CDHR1: variants seen among roughly 807,000 people sequenced by gnomAD.
CDHR1 encodes cadherin-related family member 1.
Under a neutral mutation model 72.1 loss-of-function variants are expected in CDHR1, and 61 were observed. The observed-to-expected ratio is 0.85, with a 90% CI of 0.69 to 1.05. The LOEUF (loss-of-function observed/expected upper bound fraction) is 1.05, where lower values mean the gene tolerates loss of function less well. CDHR1 is among the 50% of genes least tolerant of loss of function. The pLI is 0.00. For missense variants in CDHR1, 1,186 were observed against 1,115.7 expected (o/e 1.06, Z -0.90); for synonymous variants, 470 against 448.1 (o/e 1.05, Z -0.62).
downstream of CDHR1, chr10:84,219,416 G>A: frequency 7.4e-7 from 1 of 1,351,040 alleles, no homozygotes; most frequent in South Asian, 1.7e-5. Flanking sequence ...CTCTTCCACA[G>A]CCCTTCTCTC....
chr10:84,201,413 T>G (rs1842122726), intron 6 of CDHR1, among the ~76,000 whole-genome samples: 1 of 152,104 alleles, frequency 6.6e-6, no homozygotes, highest in Non-Finnish European at 1.5e-5. Flanking sequence ...GTGTAGGGTT[T>G]GAAGGTCCCA....
intron 1 of CDHR1, 78 bp downstream of exon 1, chr10:84,194,893 G>T (rs1269688091): frequency 7.3e-7 from 1 of 1,370,740 alleles, no homozygotes; most frequent in East Asian, 2.5e-5. Flanking sequence ...TGGCCAGAGG[G>T]ACATGGTCCT....
rs189528704 is a variant in CDHR1 at position 84,216,192 on chromosome 10, C to T, written c.*1571C>T. ...ATTTGGCTCTACTTACTAACAACCC[C>T]TCTAGAATACATTGGTGATTTCATT... On this transcript the variant is annotated 3_prime_UTR_variant, in exon 17 of 17. Coordinates refer to ENST00000623527, the MANE Select transcript of CDHR1 (RefSeq NM_033100.4). 6.9e-4 allele frequency: 679 copies of T among 985,432 alleles called. 6 individuals are homozygous for T. The African/African-American group carries it at 0.011, about 16-fold the overall frequency. The allele number at this position is 985,432 out of a possible 1,614,324, so 61.0% of individuals were successfully genotyped here.
Position 84,214,807 on chromosome 10 carries a change from C to T in CDHR1, c.*186C>T. ...AACAAGAAGTTGCGCTCTGACAGGG[C>T]TCTAGTCAGGGCCTTGGGCAAGACA... On this transcript the variant is annotated 3_prime_UTR_variant, in exon 17 of 17. Coordinates refer to ENST00000623527, the MANE Select transcript of CDHR1 (RefSeq NM_033100.4). 1 of 1,526,026 alleles carries T rather than the reference C, an allele frequency of 6.6e-7. No homozygotes were observed. Among genetic ancestry groups the T allele is most frequent in the South Asian group, 1.2e-5 (1 of 80,688 alleles). 94.5% of individuals were successfully genotyped at this position (1,526,026 alleles called of 1,614,324 possible).
At chr10:84,207,471 G>A (rs1161505108) in intron 10 of CDHR1, among the ~76,000 whole-genome samples, 1 of 152,100 alleles carries the variant, frequency 6.6e-6, no homozygotes, top group Non-Finnish European at 1.5e-5. Context: ...TCAAGGAGTG[G>A]AGTCCAGGTA....
chr10:84,202,410 C>T (rs900424554), intron 7 of CDHR1, among the ~76,000 whole-genome samples: 7 of 152,214 alleles, frequency 4.6e-5, no homozygotes, highest in Admixed American at 4.6e-4. Context: ...CTTCTTCCCC[C>T]ACAAAGAGCG....
At chr10:84,207,335 C>T (rs1350527953) in intron 10 of CDHR1, among the ~76,000 whole-genome samples, 1 of 151,994 alleles carries the variant, frequency 6.6e-6, no homozygotes, top group Non-Finnish European at 1.5e-5. Context: ...AGCAGAGTCA[C>T]ATTGCTGTGG....
Position 84,217,259 on chromosome 10 carries a change from C to T in CDHR1, c.*2638C>T. The stretch of plus-strand genomic sequence containing the variant: ...CCAGGCTGGCACCATGGTAGGCCTC[C>T]AGGGAAAGAGCTGGGAGGCAGGAAT... On this transcript the variant is annotated 3_prime_UTR_variant, in exon 17 of 17. Transcript: ENST00000623527. 1.0e-6 allele frequency: 1 copy of T among 985,508 alleles called. No homozygotes were observed. Among genetic ancestry groups the T allele is most frequent in the Non-Finnish European group, 1.2e-6 (1 of 830,002 alleles). 61.0% of individuals were successfully genotyped at this position (985,508 alleles called of 1,614,324 possible).
chr10:84,219,193 C>T (rs773808875), downstream of CDHR1: 6 of 1,550,760 alleles, frequency 3.9e-6, no homozygotes, highest in South Asian at 4.8e-5. Flanking sequence ...GTTCTTGCAT[C>T]CCCACTGCGA....
At chr10:84,203,319 T>C (rs7073756) in intron 8 of CDHR1, among the ~76,000 whole-genome samples, 196 bp downstream of exon 8, 48,112 of 152,118 alleles carry the variant, frequency 0.32, 8,766 homozygotes, top group African/African-American at 0.5. Context: ...GAGCTCCCCA[T>C]GGGCAGAGAC....
At position 84,208,771 on chromosome 10, in the gene CDHR1, G is replaced by A; in HGVS notation, c.1210G>A (p.Gly404Ser). Residue 404 changes from glycine to serine, a missense_variant, in exon 12 of 17, where the codon GGC becomes AGC. By Grantham distance (56) the Gly-to-Ser change is moderately conservative (BLOSUM62 0). Transcript: ENST00000623527. The stretch of plus-strand genomic sequence containing the variant: ...CAACTTGCAGCTGGTGGGACCCAGG[G>A]GCATCTTCCGAGTGGTTCCACAGAC... ...KFNLQLVGPR[G>S]IFRVVPQTVL... 6.2e-7 allele frequency: 1 copy of A among 1,614,142 alleles called. No individual in the cohort carries two copies. Among genetic ancestry groups the A allele is most frequent in the Non-Finnish European group, 8.5e-7 (1 of 1,180,002 alleles).
Position 84,194,549 on chromosome 10 carries a change from C to T in CDHR1, c.-212C>T, listed in dbSNP as rs918048707. 9 of 455,378 alleles carry T rather than the reference C, an allele frequency of 2.0e-5. No individual in the cohort carries two copies. The East Asian group carries it at 3.4e-4, about 17-fold the overall frequency. 28.2% of individuals were successfully genotyped at this position (455,378 alleles called of 1,614,324 possible). A position where few individuals can be genotyped will look rare whatever the true frequency, so the allele number is the denominator to read the frequency against. On this transcript the variant is annotated 5_prime_UTR_variant, in exon 1 of 17. Transcript: ENST00000623527. ...TCCGCTCTGCGCCGCTAATTGGTCT[C>T]GTCAGGCGGCCGGCAGGAGCAGATC...
In CDHR1 at chr10:84,213,271, G is replaced by C. The variant is rs767718465; in HGVS notation, c.1963G>C (p.Glu655Gln). The C allele has an allele frequency of 3.1e-6, 5 of 1,614,256 alleles. No individual in the cohort carries two copies. Among genetic ancestry groups the C allele is most frequent in the Non-Finnish European group, 4.2e-6 (5 of 1,180,038 alleles). Residue 655 changes from glutamate (E) to glutamine (Q), a missense_variant, in exon 16 of 17, where the codon GAG becomes CAG. Coordinates refer to ENST00000623527, the MANE Select transcript of CDHR1 (RefSeq NM_033100.4). Reference protein sequence around the residue: ...TPGRDCLWSLEVQAKDRGSPS... With the variant: ...TPGRDCLWSLQVQAKDRGSPS... ...TGGAAGGGACTGCCTATGGTCCCTA[G>C]AGGTGCAGGCCAAGGACCGGGGCTC...
At chr10:84,199,981 TGACCAA>T (rs1842094307) in intron 5 of CDHR1, among the ~76,000 whole-genome samples, 1 of 152,202 alleles carries the variant, frequency 6.6e-6, no homozygotes, top group Non-Finnish European at 1.5e-5. Context: ...GAGACCAGCC[TGACCAA>T]CATGGTGAAA....
intron 14 of CDHR1, among the ~76,000 whole-genome samples, chr10:84,211,959 A>G (rs1842340127): frequency 6.6e-6 from 1 of 152,164 alleles, no homozygotes; most frequent in Non-Finnish European, 1.5e-5. Flanking sequence ...GAAAGACTAT[A>G]ACTGGAGTTG....
chr10:84,217,153 G>A lies in CDHR1; in HGVS notation c.*2532G>A. On this transcript the variant is annotated 3_prime_UTR_variant, in exon 17 of 17. Coordinates refer to ENST00000623527, the MANE Select transcript of CDHR1 (RefSeq NM_033100.4). ...AGCACTGGAGGAGACCCCGCCAGTGGGGTGAGGCCAGCCAAGTCCCTGTGT... is the reference window on the plus strand; with the variant it reads ...AGCACTGGAGGAGACCCCGCCAGTGAGGTGAGGCCAGCCAAGTCCCTGTGT... 1 of 985,606 alleles carries A rather than the reference G, an allele frequency of 1.0e-6. No homozygotes were observed. The highest frequency in any genetic ancestry group is 1.2e-6 in the Non-Finnish European group (1 of 830,060). 61.1% of individuals were successfully genotyped at this position (985,606 alleles called of 1,614,324 possible). A position where few individuals can be genotyped will look rare whatever the true frequency, so the allele number is the denominator to read the frequency against.
At position 84,198,944 on chromosome 10, in the gene CDHR1, G is replaced by C; in HGVS notation, c.349-88G>C. The C allele has an allele frequency of 1.9e-5, 18 of 925,728 alleles. No homozygotes were observed. The South Asian group carries it at 2.4e-4, about 12-fold the overall frequency. The allele number at this position is 925,728 out of a possible 1,614,324, so 57.3% of individuals were successfully genotyped here. On this transcript the variant is annotated intron_variant, in intron 4 of 16. Transcript: ENST00000623527. ...AGAGAGAGGAGGGATGGGCAGAGAC[G>C]TGTACATTGGAGTGATAGAGGTCGC...
In CDHR1 at chr10:84,208,654, A is replaced by G; in HGVS notation, c.1168-75A>G. 5 of 1,469,782 alleles carry G rather than the reference A, an allele frequency of 3.4e-6. 1 individual carries two copies. The African/African-American group carries it at 4.2e-5, about 12-fold the overall frequency. 91.0% of individuals were successfully genotyped at this position (1,469,782 alleles called of 1,614,324 possible). A position where few individuals can be genotyped will look rare whatever the true frequency, so the allele number is the denominator to read the frequency against. Reference sequence around the variant, plus strand: ...TATCTCCCAGGGTTAAGGGCACGTGAAGACTTCTATATAGTATGATTATGA... The same window carrying G: ...TATCTCCCAGGGTTAAGGGCACGTGGAGACTTCTATATAGTATGATTATGA... On this transcript the variant is annotated intron_variant, in intron 11 of 16. Coordinates refer to ENST00000623527, the MANE Select transcript of CDHR1 (RefSeq NM_033100.4).
rs1351173726 is a variant in CDHR1 at position 84,217,829 on chromosome 10, T to A, written c.*3208T>A. The A allele has an allele frequency of 5.1e-6, 5 of 985,310 alleles. No individual in the cohort carries two copies. Among genetic ancestry groups the A allele is most frequent in the Non-Finnish European group, 6.0e-6 (5 of 829,960 alleles). The allele number at this position is 985,310 out of a possible 1,614,324, so 61.0% of individuals were successfully genotyped here. On this transcript the variant is annotated 3_prime_UTR_variant, in exon 17 of 17. Coordinates refer to ENST00000623527, the MANE Select transcript of CDHR1 (RefSeq NM_033100.4). ...CAGATGCCACAGCATCTGTGGCCTGTGTAGCCGGCAGCCTGCATTTGGGCG... is the reference window on the plus strand; with the variant it reads ...CAGATGCCACAGCATCTGTGGCCTGAGTAGCCGGCAGCCTGCATTTGGGCG...
Sources: allele counts gnomAD v4.1 joint callset (sites outside exome capture counted in the v4.1 genomes callset), GRCh38; gene constraint gnomAD v4.1.1; transcripts MANE v1.5; gene names NCBI Gene and HGNC (gene_info 2026-07-23, HGNC 2026-07-21).